Variants in CPPED1 observed in about 807,000 individuals in gnomAD.
CPPED1 encodes the protein calcineurin like phosphoesterase domain containing 1.
In CPPED1, 28 loss-of-function variants were observed where a neutral mutation model predicts 28.0. The ratio of observed to expected loss-of-function variants is 1.00; its 90% confidence interval spans 0.74 to 1.37. CPPED1 has a LOEUF of 1.37. Among genes scored for constraint, CPPED1 ranks in the 40% most tolerant of loss-of-function variants. CPPED1 has a pLI of 0.00. For synonymous variants in CPPED1, 198 were observed against 180.2 expected, an observed-to-expected ratio of 1.10 and a Z score of -0.79; for missense variants, 504 against 416.5, an observed-to-expected ratio of 1.21 and a Z score of -1.83.
intron 3 of CPPED1, among the ~76,000 whole-genome samples, chr16:12,691,425 A>G (rs1406261495): frequency 6.6e-6 from 1 of 152,128 alleles, no homozygotes; most frequent in Non-Finnish European, 1.5e-5. Flanking sequence ...GAAGGCATGA[A>G]GTAGAAACAC....
intron 2 of CPPED1, among the ~76,000 whole-genome samples, chr16:12,741,681 A>C (rs778907980): frequency 2.6e-5 from 4 of 152,212 alleles, no homozygotes; most frequent in Admixed American, 2.0e-4. Context: ...TACACTTTGC[A>C]CTTTCCAGTA....
At position 12,705,023 on chromosome 16, in the gene CPPED1, C is replaced by A; in HGVS notation, c.316G>T (p.Glu106Ter). The A allele has an allele frequency of 6.2e-7, 1 of 1,611,960 alleles. No individual in the cohort carries two copies. The highest frequency in any genetic ancestry group is 8.5e-7 in the Non-Finnish European group (1 of 1,178,302). Residue 106 changes from glutamate (E) to a stop codon, truncating the protein, a stop_gained, in exon 3 of 4, where the codon GAG becomes TAG. Transcript: ENST00000381774. LOFTEE classifies it high-confidence loss of function. ...GCCCTAAGCACTCGCTTCAGGTCCT[C>A]CGTCTGCTCCGTCCGCCACGGCTTC... is the stretch of plus-strand genomic sequence containing the variant. ...PGKPWRTEQT[E>*]DLKRVLRAVD...
chr16:12,763,850 A>G lies in CPPED1; in HGVS notation c.289+17335T>C, dbSNP rs150342295. ...AGCCTCAAATACTAAACTGGTGCCA[A>G]AGTAATTGCAGTTTCTGCCATTGAA... On this transcript the variant is annotated intron_variant, in intron 2 of 3. Transcript: ENST00000381774. Among the ~76,000 whole-genome samples, 712 of 152,276 alleles carry G rather than the reference A, an allele frequency of 4.7e-3. 12 individuals are homozygous for G. The highest frequency in any genetic ancestry group is 0.016 in the African/African-American group (674 of 41,542).
intron 2 of CPPED1, among the ~76,000 whole-genome samples, chr16:12,761,398 C>T (rs2080409379): frequency 6.6e-6 from 1 of 151,980 alleles, no homozygotes; most frequent in Non-Finnish European, 1.5e-5. Context: ...CGGTGCTGGG[C>T]AAGTTGTTTG....
chr16:12,734,499 C>T (rs1402725505), intron 2 of CPPED1, among the ~76,000 whole-genome samples: 2 of 152,172 alleles, frequency 1.3e-5, no homozygotes, highest in Admixed American at 1.3e-4. Context: ...CCTGCCTCAG[C>T]CTCCCAAGTA....
intron 1 of CPPED1, among the ~76,000 whole-genome samples, chr16:12,803,387 A>G (rs11075158): frequency 0.32 from 49,419 of 152,190 alleles, 11,201 homozygotes; most frequent in African/African-American, 0.64. Flanking sequence ...GCTAATGCAC[A>G]GCTTGGAAAC....
chr16:12,778,801 T>G (rs942435113), intron 2 of CPPED1, among the ~76,000 whole-genome samples: 2 of 152,194 alleles, frequency 1.3e-5, no homozygotes, highest in Non-Finnish European at 2.9e-5. Context: ...AACCACAATA[T>G]TCAAAACAGT....
At chr16:12,793,071 G>C (rs909952734) in intron 1 of CPPED1, among the ~76,000 whole-genome samples, 1 of 152,114 alleles carries the variant, frequency 6.6e-6, no homozygotes, top group Non-Finnish European at 1.5e-5. Flanking sequence ...CATTCAAGCA[G>C]GTATGTTCTG....
chr16:12,747,432 A>AAAATAAAT (rs55706541), intron 2 of CPPED1, among the ~76,000 whole-genome samples: 6,468 of 145,088 alleles, frequency 0.045, 160 homozygotes, highest in South Asian at 0.06. Context: ...CTCTGTTTTA[A>AAAATAAAT]AAATAAATAA....
At chr16:12,781,100 G>T in intron 2 of CPPED1, 85 bp downstream of exon 2, 1 of 1,278,668 alleles carries the variant, frequency 7.8e-7, no homozygotes, top group Non-Finnish European at 1.1e-6. Context: ...AGATGCCTTC[G>T]AAGCAAAATC....
intron 3 of CPPED1, among the ~76,000 whole-genome samples, chr16:12,680,600 A>G (rs2079899688): frequency 1.3e-5 from 2 of 152,168 alleles, no homozygotes; most frequent in African/African-American, 2.4e-5. Context: ...GGGAAGAAGG[A>G]GTCTTGTCTG....
At chr16:12,680,925 G>A (rs1227793651) in intron 3 of CPPED1, among the ~76,000 whole-genome samples, 1 of 152,096 alleles carries the variant, frequency 6.6e-6, no homozygotes, top group African/African-American at 2.4e-5. Flanking sequence ...TCACATGTCT[G>A]GTCCATGTGA....
chr16:12,691,297 T>G (rs2079961510), intron 3 of CPPED1, among the ~76,000 whole-genome samples: 1 of 152,222 alleles, frequency 6.6e-6, no homozygotes, highest in Non-Finnish European at 1.5e-5. Flanking sequence ...TTCTTTCTTT[T>G]TTTGAGACGT....
rs115945863 is a variant in CPPED1 at position 12,685,919 on chromosome 16, G to A, written c.715+18705C>T. ...GGTTGTCAATGTGAATGAATGTGAC[G>A]TGCAGAATTGCATCAGCCAGCTGAG... is the stretch of plus-strand genomic sequence containing the variant. On this transcript the variant is annotated intron_variant, in intron 3 of 3. Transcript: ENST00000381774. Among the ~76,000 whole-genome samples, 7 of 152,262 alleles carry A rather than the reference G, an allele frequency of 4.6e-5. No individual in the cohort carries two copies. In the South Asian group the frequency reaches 8.3e-4, roughly 18 times the overall value.
At chr16:12,678,486 A>G (rs1359133918) in intron 3 of CPPED1, among the ~76,000 whole-genome samples, 1 of 152,162 alleles carries the variant, frequency 6.6e-6, no homozygotes, top group African/African-American at 2.4e-5. Context: ...CTGTCGCTCA[A>G]TCGGGGGGGA....
At chr16:12,673,029 A>C (rs889668557) in intron 3 of CPPED1, among the ~76,000 whole-genome samples, 1 of 152,060 alleles carries the variant, frequency 6.6e-6, no homozygotes, top group Non-Finnish European at 1.5e-5. Flanking sequence ...AAGAAAAAAG[A>C]AAAGAGAAAA....
intron 1 of CPPED1, among the ~76,000 whole-genome samples, chr16:12,793,193 A>G (rs924360598): frequency 6.6e-6 from 1 of 152,218 alleles, no homozygotes; most frequent in Non-Finnish European, 1.5e-5. Context: ...TGCACAACAA[A>G]CAAGCAAATA....
intron 1 of CPPED1, among the ~76,000 whole-genome samples, chr16:12,783,430 C>T (rs916249635): frequency 6.6e-6 from 1 of 151,872 alleles, no homozygotes; most frequent in African/African-American, 2.4e-5. Flanking sequence ...ACCTGGGAGG[C>T]GGAAACTACA....
intron 2 of CPPED1, among the ~76,000 whole-genome samples, chr16:12,710,628 C>G (rs1567282947): frequency 6.6e-6 from 1 of 152,024 alleles, no homozygotes; most frequent in Admixed American, 6.6e-5. Context: ...ATGGAGAACT[C>G]CTAAAACTCA....
Sources: allele counts gnomAD v4.1 joint callset (sites outside exome capture counted in the v4.1 genomes callset), GRCh38; gene constraint gnomAD v4.1.1; transcripts MANE v1.5; gene names NCBI Gene and HGNC (gene_info 2026-07-23, HGNC 2026-07-21).